The following USP15 variants were observed in gnomAD, a reference collection of about 807,000 sequenced individuals.
The protein encoded by USP15 is ubiquitin carboxyl-terminal hydrolase 15.
Under a neutral mutation model 127.1 loss-of-function variants are expected in USP15, and 18 were observed. That is an observed-to-expected ratio of 0.14 (90% CI 0.10 to 0.21). The LOEUF is 0.21. USP15 is among the 10% of genes least tolerant of loss of function. The pLI, the probability that USP15 is intolerant of heterozygous loss-of-function variation, is 1.00. For missense variants in USP15, 805 were observed against 1,159.9 expected, an observed-to-expected ratio of 0.69 and a Z score of 4.44; for synonymous variants, 364 against 393.7, an observed-to-expected ratio of 0.92 and a Z score of 0.89.
At chr12:62,370,405 C>A (rs905962736) in intron 8 of USP15, among the ~76,000 whole-genome samples, 1 of 152,144 alleles carries the variant, frequency 6.6e-6, no homozygotes, top group Non-Finnish European at 1.5e-5. Context: ...CTTATCTCAC[C>A]ATAGCCTGTC....
intron 6 of USP15, among the ~76,000 whole-genome samples, chr12:62,329,894 C>T (rs1223963297): frequency 6.6e-6 from 1 of 152,144 alleles, no homozygotes; most frequent in Non-Finnish European, 1.5e-5. Flanking sequence ...TGTTTAATCC[C>T]TCTGACCCAG....
At position 62,314,934 on chromosome 12, in the gene USP15, C is replaced by A; in HGVS notation, c.475+18C>A. 6.5e-7 allele frequency: 1 copy of A among 1,548,416 alleles called. No individual in the cohort carries two copies. The highest frequency in any genetic ancestry group is 1.2e-5 in the South Asian group (1 of 80,206). On this transcript the variant is annotated intron_variant, in intron 4 of 21. Transcript: ENST00000280377. ...CACAATAGGTAATGCAAGATCCTGTCTTGTTTTTAATCCATTGCTATTAGA... is the reference window on the plus strand; with the variant it reads ...CACAATAGGTAATGCAAGATCCTGTATTGTTTTTAATCCATTGCTATTAGA...
chr12:62,398,696 G>T (rs192295196), intron 20 of USP15, among the ~76,000 whole-genome samples: 109 of 152,176 alleles, frequency 7.2e-4, no homozygotes, highest in Middle Eastern at 3.4e-3. Flanking sequence ...TTAATACATG[G>T]TCAGTTCCTT....
At chr12:62,394,895 T>C (rs78245691) in intron 19 of USP15, among the ~76,000 whole-genome samples, 3,335 of 151,708 alleles carry the variant, frequency 0.022, 125 homozygotes, top group African/African-American at 0.075. Flanking sequence ...AACTAGAATC[T>C]ATCAGAGATG....
chr12:62,357,652 T>G (rs1037033458), intron 8 of USP15, among the ~76,000 whole-genome samples: 3 of 152,148 alleles, frequency 2.0e-5, no homozygotes, highest in African/African-American at 7.2e-5. Flanking sequence ...CTATATTGTC[T>G]CTAAAATAAA....
intron 1 of USP15, among the ~76,000 whole-genome samples, chr12:62,284,478 A>G (rs1464738831): frequency 7.9e-5 from 12 of 152,158 alleles, no homozygotes; most frequent in East Asian, 3.9e-4. Context: ...AAACTCATGA[A>G]TATTCTTTAA....
intron 20 of USP15, among the ~76,000 whole-genome samples, chr12:62,400,194 A>AT (rs2067636904): frequency 6.6e-6 from 1 of 152,118 alleles, no homozygotes; most frequent in South Asian, 2.1e-4. Context: ...GGAAAGGGGC[A>AT]TTTTTTTAAC....
At chr12:62,294,070 G>A (rs938844824) in intron 1 of USP15, 109 bp from the exon 2 acceptor site, 6 of 1,162,206 alleles carry the variant, frequency 5.2e-6, no homozygotes, top group South Asian at 4.9e-5. Flanking sequence ...AATATCCTTT[G>A]AAGTAGATAT....
Position 62,355,433 on chromosome 12 carries a change from A to G in USP15, c.873A>G (p.Leu291=), listed in dbSNP as rs761760535. 3.1e-6 allele frequency: 5 copies of G among 1,609,016 alleles called. No homozygotes were observed. In the African/African-American group the frequency reaches 4.0e-5, roughly 13 times the overall value. Residue 291 remains leucine (L), a synonymous_variant, in exon 8 of 22, where the codon CTA becomes CTG. Coordinates refer to ENST00000280377, the MANE Select transcript of USP15 (RefSeq NM_001252078.2). The part of the protein sequence containing the change: ...RNNEQPGLCG[L]SNLGNTCFMN... ...ATGAACAGCCAGGCCTCTGTGGCCT[A>G]AGTAACTTGGGAAATACGTGTTTCA...
intron 8 of USP15, among the ~76,000 whole-genome samples, chr12:62,366,568 C>A (rs1331434896): frequency 6.6e-6 from 1 of 152,134 alleles, no homozygotes; most frequent in Non-Finnish European, 1.5e-5. Flanking sequence ...GTTGCCCTGG[C>A]CAGAACTTCC....
intron 9 of USP15, among the ~76,000 whole-genome samples, chr12:62,383,400 C>T (rs2067048590): frequency 6.6e-6 from 1 of 151,922 alleles, no homozygotes; most frequent in Admixed American, 6.6e-5. Flanking sequence ...CTTAATGAAG[C>T]ATATCTAACA....
intron 3 of USP15, among the ~76,000 whole-genome samples, chr12:62,310,675 T>G (rs2064646527): frequency 6.6e-6 from 1 of 151,992 alleles, no homozygotes; most frequent in African/African-American, 2.4e-5. Flanking sequence ...TTGTAGATAG[T>G]GCTACAATAA....
Position 62,381,528 on chromosome 12 carries a change from C to T in USP15, c.954C>T (p.Leu318=), listed in dbSNP as rs1287813539. ...CACCTCCACTTACTGAGTATTTCCT[C>T]AATGATAAGTATCAAGAAGAACTGA... is the stretch of plus-strand genomic sequence containing the variant. ...SNTPPLTEYF[L]NDKYQEELNF... is the part of the protein sequence containing the mutation. Residue 318 remains leucine, a synonymous_variant, in exon 9 of 22, where the codon CTC becomes CTT. Coordinates refer to ENST00000280377, the MANE Select transcript of USP15 (RefSeq NM_001252078.2). The T allele has an allele frequency of 2.5e-6, 4 of 1,611,966 alleles. No homozygotes were observed. The highest frequency in any genetic ancestry group is 2.7e-5 in the African/African-American group (2 of 74,850).
Position 62,410,521 on chromosome 12 carries a change from AC to A in USP15, c.*6148del, listed in dbSNP as rs1470776888. On this transcript the variant is annotated 3_prime_UTR_variant, in exon 22 of 22. Coordinates refer to ENST00000280377, the MANE Select transcript of USP15 (RefSeq NM_001252078.2). ...AGCTATATTCACTTTTGAGCTATGT[AC>A]CTATTGTATAAGTTGAAGTAATACT... 5.3e-5 allele frequency: 8 copies of A among 152,242 alleles called. No homozygotes were observed. The highest frequency in any genetic ancestry group is 1.9e-4 in the African/African-American group (8 of 41,546). The allele number at this position is 152,242 out of a possible 1,614,324, so 9.4% of individuals were successfully genotyped here. A position where few individuals can be genotyped will look rare whatever the true frequency, so the allele number is the denominator to read the frequency against.
intron 1 of USP15, among the ~76,000 whole-genome samples, chr12:62,278,382 C>A (rs905079829): frequency 4.6e-5 from 7 of 152,142 alleles, no homozygotes; most frequent in Non-Finnish European, 1.0e-4. Flanking sequence ...ATAGTAAATA[C>A]ATAAACTCAT....
At position 62,350,385 on chromosome 12, in the gene USP15, G is replaced by A. The variant is rs147773763; in HGVS notation, c.770+1078G>A. ...ATCAGGAGGCATTGTAGACTAATAC[G>A]AATGGGCAGATTATCCAGGAAATAT... On this transcript the variant is annotated intron_variant, in intron 7 of 21. Coordinates refer to ENST00000280377, the MANE Select transcript of USP15 (RefSeq NM_001252078.2). 2.2e-3 allele frequency among the ~76,000 whole-genome samples: 334 copies of A among 152,152 alleles called. 4 individuals are homozygous for A. Among genetic ancestry groups the A allele is most frequent in the African/African-American group, 7.5e-3 (311 of 41,518 alleles).
intron 8 of USP15, among the ~76,000 whole-genome samples, chr12:62,366,814 G>A (rs1208457388): frequency 6.6e-6 from 1 of 152,156 alleles, no homozygotes; most frequent in Non-Finnish European, 1.5e-5. Context: ...TATTCATGTG[G>A]TTTTTGTCAT....
intron 7 of USP15, among the ~76,000 whole-genome samples, chr12:62,354,120 GGTGTGTGT>G (rs144332465): frequency 6.7e-6 from 1 of 149,570 alleles, no homozygotes; most frequent in South Asian, 2.1e-4. Flanking sequence ...CTCTGGGGGT[GGTGTGTGT>G]GTGTGTGCGT....
chr12:62,383,601 G>T (rs2067055470), intron 9 of USP15, among the ~76,000 whole-genome samples: 1 of 151,910 alleles, frequency 6.6e-6, no homozygotes, highest in Non-Finnish European at 1.5e-5. Context: ...GAAACAACAA[G>T]CCAAAGCATC....
Sources: gnomAD v4.1 joint callset for allele counts (sites outside exome capture counted in the v4.1 genomes callset) on GRCh38, gnomAD v4.1.1 for gene constraint, MANE v1.5 for transcripts, NCBI Gene and HGNC (gene_info 2026-07-23, HGNC 2026-07-21) for gene names.